FAAP100: variants seen among roughly 807,000 people sequenced by gnomAD.
The protein encoded by FAAP100 is FA core complex associated protein 100.
In FAAP100, 46 loss-of-function variants were observed where a neutral mutation model predicts 65.8. The ratio of observed to expected loss-of-function variants is 0.70; its 90% CI spans 0.55 to 0.89. The LOEUF (loss-of-function observed/expected upper bound fraction) is 0.89, where lower values mean the gene tolerates loss of function less well. Among genes scored for constraint, FAAP100 ranks in the 40% least tolerant of loss-of-function variants. FAAP100 has a pLI of 0.00. For synonymous variants in FAAP100, 663 were observed against 555.1 expected, an observed-to-expected ratio of 1.19 and a Z score of -2.73; for missense variants, 1,165 against 1,196.7, an observed-to-expected ratio of 0.97 and a Z score of 0.39.
intron 8 of FAAP100, 110 bp downstream of exon 8, chr17:81,541,199 C>A (rs1414002025): frequency 5.5e-6 from 7 of 1,282,954 alleles, no homozygotes; most frequent in Admixed American, 2.0e-5. Context: ...GGGAGCGAAG[C>A]CCATGCGCTG....
rs2033450602 is a variant in FAAP100 at position 81,550,479 on chromosome 17, G to A, written c.1015C>T (p.Arg339Trp). 5 of 1,612,506 alleles carry A rather than the reference G, an allele frequency of 3.1e-6. No homozygotes were observed. The highest frequency in any genetic ancestry group is 2.2e-5 in the South Asian group (2 of 91,076). ...DESGKLVPEL[R>W]EYCLPGPVLC... ...ACAGGGCCTGGGAGGCAGTACTCCC[G>A]CAGCTCGGGCACCAGCTTCCCGGAC... The change falls in exon 3 of 9, where the codon CGG (arginine) becomes TGG (tryptophan). Residue 339 changes from arginine to tryptophan, a missense_variant. Coordinates refer to ENST00000327787, the MANE Select transcript of FAAP100 (RefSeq NM_025161.6).
At chr17:81,544,165 C>A (rs761809524) in intron 6 of FAAP100, 45 bp from the exon 7 acceptor site, 45 of 1,507,912 alleles carry the variant, frequency 3.0e-5, no homozygotes, top group Non-Finnish European at 3.8e-5. Flanking sequence ...GGCACTCCCA[C>A]CTGCCCGGGG....
At position 81,540,064 on chromosome 17, in the gene FAAP100, G is replaced by A. The variant is rs1188100173; in HGVS notation, c.*755C>T. On this transcript the variant is annotated 3_prime_UTR_variant, in exon 9 of 9. Coordinates refer to ENST00000327787, the MANE Select transcript of FAAP100 (RefSeq NM_025161.6). ...GCTGAGGGAGGAGGCTGGGGGCTGG[G>A]GCTCAGGGCCCCCCCCCGGGCCACA... 5 of 363,672 alleles carry A rather than the reference G, an allele frequency of 1.4e-5. No individual in the cohort carries two copies. Among genetic ancestry groups the A allele is most frequent in the Non-Finnish European group, 2.4e-5 (5 of 210,208 alleles). The allele number at this position is 363,672 out of a possible 1,614,324, so 22.5% of individuals were successfully genotyped here.
In FAAP100 at chr17:81,549,338, G is replaced by T; in HGVS notation, c.1271C>A (p.Ser424Tyr). Residue 424 changes from serine (S) to tyrosine (Y), a missense_variant, in exon 4 of 9, where the codon TCC becomes TAC. By Grantham distance (144) the Ser-to-Tyr change is moderately radical. Transcript: ENST00000327787. ...GCAGGTCATCAGGCGGCCTTTGGCG[G>T]ACAGGGCCAGGAGCTTGGTGCCACC... ...HEGGTKLLALSAKGRLMTCSL... is the reference protein window; with the variant it reads ...HEGGTKLLALYAKGRLMTCSL... 1 of 1,611,342 alleles carries T rather than the reference G, an allele frequency of 6.2e-7. No homozygotes were observed. Among genetic ancestry groups the T allele is most frequent in the Non-Finnish European group, 8.5e-7 (1 of 1,179,448 alleles).
intron 8 of FAAP100, 126 bp downstream of exon 8, chr17:81,541,183 G>T: frequency 1.7e-6 from 2 of 1,203,186 alleles, no homozygotes; most frequent in Non-Finnish European, 1.2e-6. Context: ...TTTGCCCCAG[G>T]CCCATGGGAG....
At position 81,550,951 on chromosome 17, in the gene FAAP100, T is replaced by C; in HGVS notation, c.543A>G (p.Pro181=). 1 of 1,612,184 alleles carries C rather than the reference T, an allele frequency of 6.2e-7. No individual in the cohort carries two copies. The highest frequency in any genetic ancestry group is 1.1e-5 in the South Asian group (1 of 90,914). The change falls in exon 3 of 9, where the codon CCA becomes CCG. Residue 181 remains proline (P), a synonymous_variant. Coordinates refer to ENST00000327787, the MANE Select transcript of FAAP100 (RefSeq NM_025161.6). ...GEVELSSYTP[P]AGVPGKPAAP... is the part of the protein sequence containing the mutation. ...CTGCAGGCTTTCCTGGGACCCCGGC[T>C]GGGGGCGTGTAGGAGGACAGCTCCA... is the stretch of plus-strand genomic sequence containing the variant.
At chr17:81,548,019 G>A in intron 4 of FAAP100, 1 of 697,314 alleles carries the variant, frequency 1.4e-6, no homozygotes, top group South Asian at 1.5e-5. Flanking sequence ...GCAGGGGCCG[G>A]GTGGTGCATT....
intron 7 of FAAP100, among the ~76,000 whole-genome samples, chr17:81,542,914 A>T (rs1274682513): frequency 6.6e-6 from 1 of 152,146 alleles, no homozygotes; most frequent in African/African-American, 2.4e-5. Context: ...GACAGGCAAC[A>T]CCTCAGCTCT....
chr17:81,543,487 G>A (rs1040440579), intron 7 of FAAP100, among the ~76,000 whole-genome samples: 4 of 152,140 alleles, frequency 2.6e-5, no homozygotes, highest in African/African-American at 7.2e-5. Flanking sequence ...TCTGGCAGCC[G>A]CTGACCCAAG....
intron 7 of FAAP100, among the ~76,000 whole-genome samples, chr17:81,543,095 G>A (rs1022768131): frequency 1.3e-5 from 2 of 152,232 alleles, no homozygotes; most frequent in African/African-American, 4.8e-5. Context: ...AGATCTCTGG[G>A]TCATGGTGCT....
chr17:81,545,488 T>C (rs1472096663), intron 6 of FAAP100, among the ~76,000 whole-genome samples: 3 of 152,174 alleles, frequency 2.0e-5, no homozygotes, highest in Non-Finnish European at 2.9e-5. Context: ...ACTTCAGTCC[T>C]GTGCAGGGGA....
rs755141804 is a variant in FAAP100, at chr17:81,547,191, C to T, written c.1891G>A (p.Val631Ile). The T allele has an allele frequency of 2.4e-5, 37 of 1,556,920 alleles. 1 individual carries two copies. The highest frequency in any genetic ancestry group is 7.3e-5 in the Admixed American group (4 of 55,082). The change falls in exon 5 of 9, where the codon GTC becomes ATC. Residue 631 changes from valine (V) to isoleucine (I), a missense_variant. Coordinates refer to ENST00000327787, the MANE Select transcript of FAAP100 (RefSeq NM_025161.6). ...DPFLDECPSD[V>I]LPEQEGVCLP... ...CAAACACCCTCTTGCTCGGGCAGGA[C>T]GTCGGAGGGGCACTCATCCAGAAAG...
chr17:81,547,824 G>C (rs769079800), intron 4 of FAAP100, 146 bp from the exon 5 acceptor site: 1 of 1,014,078 alleles, frequency 9.9e-7, no homozygotes, highest in African/African-American at 1.6e-5. Context: ...GTGAGCCCCC[G>C]CCCCAGGGGC....
chr17:81,540,599 G>C lies in FAAP100; in HGVS notation c.*220C>G. 5.3e-6 allele frequency: 3 copies of C among 568,994 alleles called. No individual in the cohort carries two copies. 35.2% of individuals were successfully genotyped at this position (568,994 alleles called of 1,614,324 possible). ...CAGCAGAGGACGCGAAGCTGGACCG[G>C]CCAGGTTCAGAGCCCGCCTCGGTTG... is the stretch of plus-strand genomic sequence containing the variant. On this transcript the variant is annotated 3_prime_UTR_variant, in exon 9 of 9. Coordinates refer to ENST00000327787, the MANE Select transcript of FAAP100 (RefSeq NM_025161.6).
rs769854359 is a variant in FAAP100, at chr17:81,547,029, C to G, written c.2053G>C (p.Glu685Gln). Residue 685 changes from glutamate (E) to glutamine (Q), a missense_variant, in exon 5 of 9, where the codon GAG becomes CAG. Physicochemically the swap from Glu to Gln is conservative, Grantham distance 29. Coordinates refer to ENST00000327787, the MANE Select transcript of FAAP100 (RefSeq NM_025161.6). ...GGTCCTGCTGGCTGGCTGCCAGGCT[C>G]CCGACAAGTTTCCAGAAAAGTGGCC... is the stretch of plus-strand genomic sequence containing the variant. ...PVATFLETCR[E>Q]PGSQPAGPAS... is the part of the protein sequence containing the mutation. 2 of 1,552,088 alleles carry G rather than the reference C, an allele frequency of 1.3e-6. No homozygotes were observed. The highest frequency in any genetic ancestry group is 1.7e-6 in the Non-Finnish European group (2 of 1,149,472).
At position 81,540,752 on chromosome 17, in the gene FAAP100, A is replaced by C. The variant is rs1257143524; in HGVS notation, c.*67T>G. 7.7e-6 allele frequency: 11 copies of C among 1,437,802 alleles called. No homozygotes were observed. Among genetic ancestry groups the C allele is most frequent in the South Asian group, 7.2e-5 (5 of 69,896 alleles). 89.1% of individuals were successfully genotyped at this position (1,437,802 alleles called of 1,614,324 possible). On this transcript the variant is annotated 3_prime_UTR_variant, in exon 9 of 9. Transcript: ENST00000327787. ...GGCCAGCTCGGTTTCCCTCTAACCC[A>C]TGAGGCCTGGGGGGGCTGTGACAGA...
rs757405763 is a variant in FAAP100 at position 81,547,157 on chromosome 17, A to AGGGGCAGGCAAACACCCTCTTGCT, written c.1901_1924dup (p.Pro641_Leu642insGlnGlnGluGlyValCysLeuPro). ...CAGCATGTCCACTGTGTGCCTGCTCAGGGGCAGGCAAACACCCTCTTGCTC... is the reference window on the plus strand; with the variant it reads ...CAGCATGTCCACTGTGTGCCTGCTCAGGGGCAGGCAAACACCCTCTTGCTGGGGCAGGCAAACACCCTCTTGCTC... On this transcript the variant is annotated inframe_insertion, in exon 5 of 9. Coordinates refer to ENST00000327787, the MANE Select transcript of FAAP100 (RefSeq NM_025161.6). The AGGGGCAGGCAAACACCCTCTTGCT allele has an allele frequency of 1.3e-6, 2 of 1,541,836 alleles. No homozygotes were observed. Among genetic ancestry groups the AGGGGCAGGCAAACACCCTCTTGCT allele is most frequent in the Non-Finnish European group, 1.8e-6 (2 of 1,142,222 alleles).
Position 81,552,238 on chromosome 17 carries a change from A to C in FAAP100, c.93T>G (p.His31Gln). ...LAAGKPRVLC[H>Q]EAEVFLSTGS... ...CGGTGGACAGGAAGACCTCTGCCTCATGGCACAGCACGCGGGGCTTGCCCG... is the reference window on the plus strand; with the variant it reads ...CGGTGGACAGGAAGACCTCTGCCTCCTGGCACAGCACGCGGGGCTTGCCCG... The change falls in exon 1 of 9, where the codon CAT (histidine) becomes CAG (glutamine). Residue 31 changes from histidine to glutamine, a missense_variant. Coordinates refer to ENST00000327787, the MANE Select transcript of FAAP100 (RefSeq NM_025161.6). 6.7e-7 allele frequency: 1 copy of C among 1,491,378 alleles called. No homozygotes were observed. Among genetic ancestry groups the C allele is most frequent in the Non-Finnish European group, 8.9e-7 (1 of 1,127,820 alleles). The allele number at this position is 1,491,378 out of a possible 1,614,324, so 92.4% of individuals were successfully genotyped here. A position where few individuals can be genotyped will look rare whatever the true frequency, so the allele number is the denominator to read the frequency against.
At position 81,547,346 on chromosome 17, in the gene FAAP100, T is replaced by G. The variant is rs1479447158; in HGVS notation, c.1736A>C (p.Glu579Ala). ...ACCAGGGCCCAGGGGTAGCGTCACC[T>G]CCCGCCGAGCACCGGGGCCGAGCTG... ...VDQLGPGARR[E>A]VTLPLGPGEN... Residue 579 changes from glutamate to alanine, a missense_variant, in exon 5 of 9, where the codon GAG (glutamate) becomes GCG (alanine). Physicochemically the swap from Glu to Ala is moderately radical, Grantham distance 107. Coordinates refer to ENST00000327787, the MANE Select transcript of FAAP100 (RefSeq NM_025161.6). 1.2e-6 allele frequency: 2 copies of G among 1,612,596 alleles called. No individual in the cohort carries two copies. Among genetic ancestry groups the G allele is most frequent in the Non-Finnish European group, 1.7e-6 (2 of 1,179,878 alleles).
Sources: gnomAD v4.1 joint callset for allele counts (sites outside exome capture counted in the v4.1 genomes callset) on GRCh38, gnomAD v4.1.1 for gene constraint, MANE v1.5 for transcripts, NCBI Gene and HGNC (gene_info 2026-07-23, HGNC 2026-07-21) for gene names.